Variants in STAG1 observed in about 807,000 individuals in gnomAD.
The protein encoded by STAG1 is cohesin subunit SA-1.
STAG1 carries 26 observed loss-of-function variants against 170.9 expected under a neutral mutation model. That is an observed-to-expected ratio of 0.15 (90% CI 0.11 to 0.21). STAG1 has a LOEUF of 0.21. Ranked by LOEUF, STAG1 falls within the 10% of genes least tolerant of loss-of-function variation. STAG1 has a pLI of 1.00. For missense variants in STAG1, 964 were observed against 1,509.5 expected, an observed-to-expected ratio of 0.64 and a Z score of 5.99; for synonymous variants, 514 against 497.7, an observed-to-expected ratio of 1.03 and a Z score of -0.44.
intron 29 of STAG1, among the ~76,000 whole-genome samples, chr3:136,347,512 G>C (rs1936277994): frequency 6.7e-6 from 1 of 148,924 alleles, no homozygotes; most frequent in Admixed American, 6.7e-5. Flanking sequence ...TTTTAAAAAA[G>C]ACTTTAAGTC....
chr3:136,644,548 A>T (rs1940927150), intron 1 of STAG1, among the ~76,000 whole-genome samples: 1 of 152,236 alleles, frequency 6.6e-6, no homozygotes, highest in Admixed American at 6.5e-5. Context: ...AAAAACTGTT[A>T]TACTAAGTAC....
chr3:136,424,335 T>C (rs2088049798), intron 16 of STAG1, among the ~76,000 whole-genome samples: 1 of 150,684 alleles, frequency 6.6e-6, no homozygotes, highest in Non-Finnish European at 1.5e-5. Context: ...GATCTTTTTT[T>C]TTTTTTTTTT....
chr3:136,350,241 A>G (rs563372989), intron 28 of STAG1, among the ~76,000 whole-genome samples: 2 of 152,280 alleles, frequency 1.3e-5, no homozygotes, highest in South Asian at 4.1e-4. Flanking sequence ...TCTCCCTGCC[A>G]CTACAGCTCT....
At chr3:136,525,337 T>C (rs1934951800) in intron 6 of STAG1, among the ~76,000 whole-genome samples, 1 of 152,222 alleles carries the variant, frequency 6.6e-6, no homozygotes, top group African/African-American at 2.4e-5. Context: ...GGTGTATGTG[T>C]CCAGGAATTT....
chr3:136,356,700 G>C (rs1248558709), intron 28 of STAG1, among the ~76,000 whole-genome samples: 3 of 152,100 alleles, frequency 2.0e-5, no homozygotes, highest in African/African-American at 7.2e-5. Flanking sequence ...TGTCTTAACA[G>C]TTTATAAAAT....
At chr3:136,402,605 TGG>T (rs1450476546) in intron 21 of STAG1, among the ~76,000 whole-genome samples, 2 of 151,038 alleles carry the variant, frequency 1.3e-5, no homozygotes, top group Non-Finnish European at 3.0e-5. Flanking sequence ...CCGAGGCGGG[TGG>T]ATCACCTGAG....
rs1053874187 is a variant in STAG1 at position 136,522,370 on chromosome 3, T to A, written c.472-953A>T. 2.0e-5 allele frequency among the ~76,000 whole-genome samples: 3 copies of A among 152,162 alleles called. No individual in the cohort carries two copies. In the South Asian group the frequency reaches 6.2e-4, roughly 32 times the overall value. ...TCAAAATCCCAAAAGTTAGTTAATG[T>A]TGGTGTTAGATGAGTGGTAGGGAGC... On this transcript the variant is annotated intron_variant, in intron 6 of 33. Coordinates refer to ENST00000383202, the MANE Select transcript of STAG1 (RefSeq NM_005862.3).
chr3:136,514,621 A>G (rs1162048782), intron 7 of STAG1, among the ~76,000 whole-genome samples: 1 of 152,236 alleles, frequency 6.6e-6, no homozygotes, highest in Non-Finnish European at 1.5e-5. Flanking sequence ...ACGTATATTT[A>G]CTGCGACAAT....
intron 28 of STAG1, among the ~76,000 whole-genome samples, chr3:136,353,246 T>C (rs553106313): frequency 6.6e-6 from 1 of 152,240 alleles, no homozygotes; most frequent in East Asian, 1.9e-4. Context: ...TACTGACATA[T>C]GTGTAATGGG....
At position 136,522,368 on chromosome 3, in the gene STAG1, T is replaced by C. The variant is rs1487682052; in HGVS notation, c.472-951A>G. On this transcript the variant is annotated intron_variant, in intron 6 of 33. Coordinates refer to ENST00000383202, the MANE Select transcript of STAG1 (RefSeq NM_005862.3). ...AGTCAAAATCCCAAAAGTTAGTTAA[T>C]GTTGGTGTTAGATGAGTGGTAGGGA... is the stretch of plus-strand genomic sequence containing the variant. Among the ~76,000 whole-genome samples the C allele has an allele frequency of 2.6e-5, 4 of 152,214 alleles. No homozygotes were observed. The East Asian group carries it at 5.8e-4, about 22-fold the overall frequency.
At chr3:136,374,740 A>G (rs1235281746) in intron 23 of STAG1, among the ~76,000 whole-genome samples, 2 of 152,094 alleles carry the variant, frequency 1.3e-5, no homozygotes, top group African/African-American at 4.8e-5. Context: ...TTATAGTATG[A>G]TAAGGTTAAT....
intron 3 of STAG1, among the ~76,000 whole-genome samples, chr3:136,617,121 T>G (rs537187186): frequency 4.6e-5 from 7 of 152,312 alleles, no homozygotes; most frequent in Admixed American, 3.9e-4. Context: ...TGGTTTAGAA[T>G]AGTTAAGAAT....
At chr3:136,689,226 T>C (rs1045382453) in intron 1 of STAG1, among the ~76,000 whole-genome samples, 5 of 152,152 alleles carry the variant, frequency 3.3e-5, no homozygotes, top group African/African-American at 4.8e-5. Context: ...AACCAATACA[T>C]ATTGCATACC....
At chr3:136,502,911 G>A (rs1933556101) in intron 7 of STAG1, 132 bp from the exon 8 acceptor site, 1 of 680,026 alleles carries the variant, frequency 1.5e-6, no homozygotes, top group Admixed American at 4.1e-5. Flanking sequence ...CATAATTTAA[G>A]TTTAAATAAA....
At chr3:136,377,821 T>TA in intron 22 of STAG1, 69 bp from the exon 23 acceptor site, 2 of 1,341,170 alleles carry the variant, frequency 1.5e-6, no homozygotes, top group African/African-American at 1.4e-5. Flanking sequence ...GAAGAAACAG[T>TA]AAGTGGAAAA....
chr3:136,448,972 A>G (rs2107771735), intron 14 of STAG1, among the ~76,000 whole-genome samples: 1 of 152,316 alleles, frequency 6.6e-6, no homozygotes, highest in South Asian at 2.1e-4. Context: ...GTCTCTTTAA[A>G]TTCAGTATTT....
chr3:136,731,498 C>CT (rs1446950981), intron 1 of STAG1, among the ~76,000 whole-genome samples: 2 of 152,238 alleles, frequency 1.3e-5, no homozygotes, highest in Non-Finnish European at 2.9e-5. Flanking sequence ...AGCCCCGGCA[C>CT]TGTGTGCCAC....
intron 16 of STAG1, among the ~76,000 whole-genome samples, chr3:136,432,655 T>C (rs2088342450): frequency 6.6e-6 from 1 of 152,074 alleles, no homozygotes; most frequent in Non-Finnish European, 1.5e-5. Context: ...TACAGGTGCA[T>C]GCCACCCTGC....
intron 1 of STAG1, among the ~76,000 whole-genome samples, chr3:136,633,461 A>C (rs564409377): frequency 5.7e-4 from 86 of 152,010 alleles, no homozygotes; most frequent in African/African-American, 2.0e-3. Context: ...AGCACTTTGG[A>C]GGCTGAGGCA....
Sources: gnomAD v4.1 joint callset for allele counts (sites outside exome capture counted in the v4.1 genomes callset) on GRCh38, gnomAD v4.1.1 for gene constraint, MANE v1.5 for transcripts, NCBI Gene and HGNC (gene_info 2026-07-23, HGNC 2026-07-21) for gene names.